THRB: variants seen among roughly 807,000 people sequenced by gnomAD.
The protein encoded by THRB is thyroid hormone receptor beta.
A neutral mutation model predicts 47.8 loss-of-function variants in THRB; 12 were observed. That is an observed-to-expected ratio of 0.25 (90% CI 0.16 to 0.41). THRB has a LOEUF of 0.41. Ranked by LOEUF, THRB falls within the 10% of genes least tolerant of loss-of-function variation. The probability of loss-of-function intolerance (pLI) is 1.00; values close to 1 mark genes in which losing one functional copy is unlikely to be tolerated. For synonymous variants in THRB, 218 were observed against 212.2 expected, an observed-to-expected ratio of 1.03 and a Z score of -0.24; for missense variants, 348 against 589.2, an observed-to-expected ratio of 0.59 and a Z score of 4.24.
chr3:24,256,281 G>T (rs2051270697), intron 3 of THRB, among the ~76,000 whole-genome samples: 1 of 91,030 alleles, frequency 1.1e-5, no homozygotes, highest in African/African-American at 3.2e-5. Flanking sequence ...GTATTACTTG[G>T]TTAGTGGAAG....
intron 1 of THRB, among the ~76,000 whole-genome samples, chr3:24,398,961 A>G (rs2067189180): frequency 1.3e-5 from 2 of 152,134 alleles, no homozygotes; most frequent in Admixed American, 1.3e-4. Context: ...CATCATTCTC[A>G]GCAAACTATC....
At chr3:24,376,073 T>C (rs943642710) in intron 1 of THRB, among the ~76,000 whole-genome samples, 4 of 152,154 alleles carry the variant, frequency 2.6e-5, no homozygotes, top group African/African-American at 9.7e-5. Context: ...AGTAGCTTTG[T>C]AGATAGAGCC....
In THRB at chr3:24,127,565, G is replaced by A. The variant is rs373131377; in HGVS notation, c.1078C>T (p.Leu360=). The A allele has an allele frequency of 6.2e-6, 10 of 1,614,222 alleles. No individual in the cohort carries two copies. In the Middle Eastern group the frequency reaches 4.9e-4, roughly 80 times the overall value. ...SDAIFDLGMS[L]SSFNLDDTEV... Reference sequence around the variant, plus strand: ...GTGTCATCCAGGTTGAAAGAAGACAGAGACATGCCCAGGTCAAAGATGGCG... The same window carrying A: ...GTGTCATCCAGGTTGAAAGAAGACAAAGACATGCCCAGGTCAAAGATGGCG... The change falls in exon 10 of 11, where the codon CTG becomes TTG. Residue 360 remains leucine (L), a synonymous_variant. Coordinates refer to ENST00000646209, the MANE Select transcript of THRB (RefSeq NM_001354712.2).
intron 8 of THRB, among the ~76,000 whole-genome samples, chr3:24,142,727 C>T (rs1018042245): frequency 6.6e-6 from 1 of 152,188 alleles, no homozygotes; most frequent in African/African-American, 2.4e-5. Flanking sequence ...GGACTTGGAA[C>T]CAGAAGACCG....
At chr3:24,237,545 C>T (rs1467643841) in intron 3 of THRB, among the ~76,000 whole-genome samples, 16 of 151,866 alleles carry the variant, frequency 1.1e-4, no homozygotes, top group Admixed American at 1.1e-3. Context: ...CTTCCCCTTC[C>T]TCTTCCCCTC....
intron 1 of THRB, among the ~76,000 whole-genome samples, chr3:24,410,929 A>C (rs1374615549): frequency 6.6e-6 from 1 of 151,828 alleles, no homozygotes; most frequent in Non-Finnish European, 1.5e-5. Context: ...TGGTGTAGGA[A>C]TATAATGCGG....
chr3:24,342,110 T>C (rs1347150696), intron 1 of THRB, among the ~76,000 whole-genome samples: 1 of 150,350 alleles, frequency 6.7e-6, no homozygotes, highest in East Asian at 1.9e-4. Flanking sequence ...AATAATGTCA[T>C]TATGCACTAG....
chr3:24,489,177 G>T (rs1406222254), intron 1 of THRB, among the ~76,000 whole-genome samples: 2 of 151,984 alleles, frequency 1.3e-5, no homozygotes, highest in East Asian at 3.9e-4. Flanking sequence ...AGGAGGTGGA[G>T]GTTGCAGTGA....
At chr3:24,336,722 CT>C (rs1553717322) in intron 2 of THRB, among the ~76,000 whole-genome samples, 1,382 of 135,854 alleles carry the variant, frequency 0.01, 13 homozygotes, top group African/African-American at 0.029. Flanking sequence ...AATTCTCATG[CT>C]TTTTTTTTTT....
intron 3 of THRB, among the ~76,000 whole-genome samples, chr3:24,236,031 A>G (rs932012066): frequency 1.3e-5 from 2 of 152,154 alleles, no homozygotes; most frequent in Non-Finnish European, 2.9e-5. Flanking sequence ...ACAGCTGAAT[A>G]AATGCAAATG....
chr3:24,126,961 G>A (rs531168788), intron 10 of THRB, among the ~76,000 whole-genome samples: 3 of 152,310 alleles, frequency 2.0e-5, no homozygotes, highest in East Asian at 1.9e-4. Flanking sequence ...AGGAAAGGCC[G>A]CATAGAGGGA....
chr3:24,131,245 AAAAT>A (rs2033818685), intron 9 of THRB, among the ~76,000 whole-genome samples: 1 of 152,230 alleles, frequency 6.6e-6, no homozygotes, highest in Admixed American at 6.5e-5. Context: ...AAAAAAGACT[AAAAT>A]AGGTGCCAAA....
At chr3:24,427,446 C>A (rs925593527) in intron 1 of THRB, among the ~76,000 whole-genome samples, 1 of 151,942 alleles carries the variant, frequency 6.6e-6, no homozygotes, top group Non-Finnish European at 1.5e-5. Flanking sequence ...AGCTAGTAAC[C>A]AGTTAACGTA....
intron 1 of THRB, among the ~76,000 whole-genome samples, chr3:24,436,224 G>A (rs1385819194): frequency 1.4e-5 from 2 of 147,782 alleles, no homozygotes; most frequent in Admixed American, 1.3e-4. Flanking sequence ...GCCTTTCTAA[G>A]GAAAAGAAAA....
intron 9 of THRB, among the ~76,000 whole-genome samples, chr3:24,128,863 C>CTTTTTTTTTTTT (rs57890674): frequency 0.035 from 3,005 of 86,898 alleles, 530 homozygotes; most frequent in East Asian, 0.085. Context: ...AAACATAACT[C>CTTTTTTTTTTTT]TTTTTTTTTT....
chr3:24,180,457 A>C (rs1326639751), intron 5 of THRB, among the ~76,000 whole-genome samples: 1 of 152,224 alleles, frequency 6.6e-6, no homozygotes, highest in African/African-American at 2.4e-5. Context: ...AGTAAAGTTG[A>C]ATAAAGTCAA....
In THRB at chr3:24,466,119, A is replaced by G. The variant is rs115487562; in HGVS notation, c.-261+28533T>C. ...GCTGGTTTTCCTCTGTGCCCAACAT[A>G]CATGTGCAGCCTTCTGAATTAGTTT... On this transcript the variant is annotated intron_variant, in intron 1 of 10. Transcript: ENST00000646209. Among the ~76,000 whole-genome samples the G allele has an allele frequency of 8.2e-3, 1,244 of 152,212 alleles. 15 individuals are homozygous for G. Among genetic ancestry groups the G allele is most frequent in the African/African-American group, 0.028 (1,180 of 41,538 alleles).
At chr3:24,299,370 C>A (rs1402519187) in intron 2 of THRB, among the ~76,000 whole-genome samples, 2 of 150,728 alleles carry the variant, frequency 1.3e-5, no homozygotes, top group East Asian at 3.9e-4. Flanking sequence ...ATAAGAAAGA[C>A]CTTAAAGAGC....
intron 3 of THRB, among the ~76,000 whole-genome samples, chr3:24,245,805 T>G (rs934336481): frequency 6.6e-6 from 1 of 151,982 alleles, no homozygotes; most frequent in African/African-American, 2.4e-5. Context: ...CCCAGCTACT[T>G]GGGAGGCTGA....
Sources: allele counts gnomAD v4.1 joint callset (sites outside exome capture counted in the v4.1 genomes callset), GRCh38; gene constraint gnomAD v4.1.1; transcripts MANE v1.5; gene names NCBI Gene and HGNC (gene_info 2026-07-23, HGNC 2026-07-21).